The following SLC17A1 variants were observed in gnomAD, a reference collection of about 807,000 sequenced individuals.
The protein encoded by SLC17A1 is sodium-dependent phosphate transport protein 1.
Under a neutral mutation model 53.5 loss-of-function variants are expected in SLC17A1, and 51 were observed. The ratio of observed to expected loss-of-function variants is 0.95; its 90% CI spans 0.76 to 1.20. SLC17A1 has a LOEUF of 1.20. Ranked by LOEUF, SLC17A1 falls within the 50% of genes most tolerant of loss-of-function variation. The probability of loss-of-function intolerance (pLI) is 0.00; values close to 1 mark genes in which losing one functional copy is unlikely to be tolerated. For missense variants in SLC17A1, 538 were observed against 568.2 expected (o/e 0.95, Z 0.54); for synonymous variants, 179 against 198.8 (o/e 0.90, Z 0.84).
At chr6:25,813,278 G>A in intron 6 of SLC17A1, 65 bp from the exon 7 acceptor site, 2 of 1,324,964 alleles carry the variant, frequency 1.5e-6, no homozygotes, top group South Asian at 1.2e-5. Flanking sequence ...TCCCAGAATG[G>A]CATTTTTCAA....
At chr6:25,800,815 C>G (rs1357144767) in intron 11 of SLC17A1, 75 bp downstream of exon 11, 3 of 947,296 alleles carry the variant, frequency 3.2e-6, no homozygotes, top group African/African-American at 1.7e-5. Flanking sequence ...ATCTTCTCTG[C>G]AATTTTTCAT....
the SLC17A1 span, chr6:25,732,119 C>A: frequency 2.9e-6 from 2 of 695,214 alleles, no homozygotes; most frequent in East Asian, 7.9e-5. Flanking sequence ...CTTCTTAAAG[C>A]CCTTTTCGGA....
At chr6:25,831,449 A>AATACATAT (rs1764945340) in intron 1 of SLC17A1, among the ~76,000 whole-genome samples, 1 of 152,140 alleles carries the variant, frequency 6.6e-6, no homozygotes, top group Admixed American at 6.5e-5. Flanking sequence ...TGTTTATTTC[A>AATACATAT]ATACATATAT....
At chr6:25,735,181 G>A in the SLC17A1 span, among the ~76,000 whole-genome samples, 1 of 152,156 alleles carries the variant, frequency 6.6e-6, no homozygotes, top group Non-Finnish European at 1.5e-5. Context: ...TTTGGTGAGT[G>A]TTGGCTATTT....
the SLC17A1 span, among the ~76,000 whole-genome samples, chr6:25,757,424 T>C: frequency 6.6e-6 from 1 of 152,130 alleles, no homozygotes; most frequent in Non-Finnish European, 1.5e-5. Flanking sequence ...CTCTGATCAT[T>C]GTCAGTAGTA....
chr6:25,802,801 A>C (rs985215547), intron 10 of SLC17A1, among the ~76,000 whole-genome samples: 1 of 150,336 alleles, frequency 6.7e-6, no homozygotes, highest in Non-Finnish European at 1.5e-5. Context: ...GTTCTCTCTC[A>C]GTCTCTCTCT....
chr6:25,773,546 G>T, the SLC17A1 span: 2 of 1,613,870 alleles, frequency 1.2e-6, no homozygotes, highest in Admixed American at 1.7e-5. Flanking sequence ...TCCCATTAGG[G>T]CTATGATCAA....
At chr6:25,831,450 A>T (rs905640440) in intron 1 of SLC17A1, among the ~76,000 whole-genome samples, 7 of 152,184 alleles carry the variant, frequency 4.6e-5, no homozygotes, top group Non-Finnish European at 8.8e-5. Flanking sequence ...GTTTATTTCA[A>T]TACATATATA....
the SLC17A1 span, among the ~76,000 whole-genome samples, chr6:25,733,846 G>A: frequency 6.6e-6 from 1 of 150,562 alleles, no homozygotes; most frequent in Non-Finnish European, 1.5e-5. Flanking sequence ...GTATGACAGA[G>A]TATTGCTCTG....
At chr6:25,756,560 T>C in the SLC17A1 span, among the ~76,000 whole-genome samples, 1 of 152,210 alleles carries the variant, frequency 6.6e-6, no homozygotes, top group Non-Finnish European at 1.5e-5. Context: ...TGTGCCTGCA[T>C]CACGCTGTCC....
chr6:25,726,860 T>C, the SLC17A1 span: 4 of 1,567,426 alleles, frequency 2.6e-6, no homozygotes, highest in Non-Finnish European at 3.4e-6. Context: ...GAAAGTGCTG[T>C]GTAACCCTGG....
At chr6:25,734,452 C>T in the SLC17A1 span, among the ~76,000 whole-genome samples, 1 of 152,156 alleles carries the variant, frequency 6.6e-6, no homozygotes, top group Admixed American at 6.5e-5. Flanking sequence ...TCTTCTTAGA[C>T]ATTTAAGAAA....
Position 25,798,844 on chromosome 6 carries a change from T to A in SLC17A1, c.1345A>T (p.Ile449Leu). The A allele has an allele frequency of 6.2e-7, 1 of 1,611,172 alleles. No individual in the cohort carries two copies. The highest frequency in any genetic ancestry group is 8.5e-7 in the Non-Finnish European group (1 of 1,178,078). ...TCCTGAATTTCTGCTGTAGCAACTATAAGGTAGAAAATTAGGCCAGTCACA... is the reference window on the plus strand; with the variant it reads ...TCCTGAATTTCTGCTGTAGCAACTAAAAGGTAGAAAATTAGGCCAGTCACA... The part of the protein sequence containing the change: ...INVTGLIFYL[I>L]VATAEIQDWA... Residue 449 changes from isoleucine to leucine, a missense_variant, in exon 12 of 13, where the codon ATA (isoleucine) becomes TTA (leucine). By Grantham distance (5) the Ile-to-Leu change is conservative (BLOSUM62 2). Coordinates refer to ENST00000244527, the MANE Select transcript of SLC17A1 (RefSeq NM_005074.5).
In SLC17A1 at chr6:25,790,086, T is replaced by C. The variant is rs115188359; in HGVS notation, c.*3-6868A>G. 4.8e-3 allele frequency among the ~76,000 whole-genome samples: 724 copies of C among 152,240 alleles called. 5 individuals carry two copies. The highest frequency in any genetic ancestry group is 0.014 in the African/African-American group (576 of 41,550). Reference sequence around the variant, plus strand: ...TTAAAAACTTTCCTGTACCTTGAGATTTTTTTCAAGTTAAACAAATAGGGA... The same window carrying C: ...TTAAAAACTTTCCTGTACCTTGAGACTTTTTTCAAGTTAAACAAATAGGGA... On this transcript the variant is annotated intron_variant, in intron 12 of 12. Transcript: ENST00000244527.
the SLC17A1 span, among the ~76,000 whole-genome samples, chr6:25,773,988 A>G: frequency 5.9e-5 from 9 of 152,172 alleles, no homozygotes; most frequent in East Asian, 1.9e-4. Flanking sequence ...TTTATACTCA[A>G]TCCCATCAAA....
At chr6:25,798,666 TCTC>T in intron 12 of SLC17A1, 114 bp downstream of exon 12, 1 of 861,066 alleles carries the variant, frequency 1.2e-6, no homozygotes, top group Non-Finnish European at 1.7e-6. Flanking sequence ...CTTAACATGG[TCTC>T]CTCTTCTCCA....
intron 5 of SLC17A1, 56 bp from the exon 6 acceptor site, chr6:25,819,210 A>G: frequency 8.0e-7 from 1 of 1,244,966 alleles, no homozygotes; most frequent in Non-Finnish European, 1.1e-6. Context: ...GAAAGCAGAG[A>G]TAATGTAGCC....
At chr6:25,755,119 A>C in the SLC17A1 span, among the ~76,000 whole-genome samples, 1 of 151,960 alleles carries the variant, frequency 6.6e-6, no homozygotes, top group African/African-American at 2.4e-5. Flanking sequence ...ACAGAAACTA[A>C]ATGATATATT....
the SLC17A1 span, among the ~76,000 whole-genome samples, chr6:25,763,141 C>T: frequency 6.6e-6 from 1 of 152,178 alleles, no homozygotes; most frequent in Non-Finnish European, 1.5e-5. Context: ...TAAAGTGGAA[C>T]TTCTATGGTC....
Sources: gnomAD v4.1 joint callset for allele counts (sites outside exome capture counted in the v4.1 genomes callset) on GRCh38, gnomAD v4.1.1 for gene constraint, MANE v1.5 for transcripts, NCBI Gene and HGNC (gene_info 2026-07-23, HGNC 2026-07-21) for gene names.